Variants in HACD2 observed in about 807,000 individuals in gnomAD.
HACD2 encodes very-long-chain (3R)-3-hydroxyacyl-CoA dehydratase 2.
In HACD2, 15 loss-of-function variants were observed where a neutral mutation model predicts 31.0. The ratio of observed to expected loss-of-function variants is 0.48; its 90% CI spans 0.32 to 0.75. The LOEUF is 0.75. Ranked by LOEUF, HACD2 falls within the 30% of genes least tolerant of loss-of-function variation. HACD2 has a pLI of 0.03. For synonymous variants in HACD2, 115 were observed against 122.2 expected (o/e 0.94, Z 0.39); for missense variants, 283 against 313.0 (o/e 0.90, Z 0.72).
intron 1 of HACD2, among the ~76,000 whole-genome samples, chr3:123,583,198 G>A (rs1395618580): frequency 2.7e-5 from 4 of 148,074 alleles, no homozygotes; most frequent in Non-Finnish European, 6.0e-5. Flanking sequence ...ACCATTAACA[G>A]CCTTAAAAAA....
chr3:123,549,076 T>TA (rs778066382), intron 3 of HACD2, among the ~76,000 whole-genome samples: 2 of 151,720 alleles, frequency 1.3e-5, no homozygotes. Context: ...TTCAAAAGCT[T>TA]ATGAATAGAA....
intron 4 of HACD2, among the ~76,000 whole-genome samples, chr3:123,524,564 TGAG>T (rs1000627294): frequency 2.0e-5 from 3 of 152,166 alleles, no homozygotes; most frequent in African/African-American, 4.8e-5. Context: ...GTGGAACTGT[TGAG>T]GAGGAAAAGC....
intron 2 of HACD2, among the ~76,000 whole-genome samples, chr3:123,570,509 A>G (rs1313044843): frequency 6.6e-6 from 1 of 152,232 alleles, no homozygotes; most frequent in Non-Finnish European, 1.5e-5. Flanking sequence ...ACCTTATACA[A>G]AGTTGGAATA....
At chr3:123,537,064 TC>T (rs2056434860) in intron 3 of HACD2, among the ~76,000 whole-genome samples, 1 of 152,080 alleles carries the variant, frequency 6.6e-6, no homozygotes, top group African/African-American at 2.4e-5. Flanking sequence ...ACTAAACAAT[TC>T]TGGTAATTAT....
chr3:123,561,585 C>G (rs145345121), intron 3 of HACD2, among the ~76,000 whole-genome samples: 1 of 152,248 alleles, frequency 6.6e-6, no homozygotes, highest in African/African-American at 2.4e-5. Context: ...AGTTCCACTA[C>G]CTGCACCTCT....
At chr3:123,559,571 G>A (rs1422037927) in intron 3 of HACD2, among the ~76,000 whole-genome samples, 1 of 152,208 alleles carries the variant, frequency 6.6e-6, no homozygotes, top group Non-Finnish European at 1.5e-5. Context: ...TTTTTCACAT[G>A]TGGAAACTAG....
intron 4 of HACD2, 108 bp from the exon 5 acceptor site, chr3:123,502,789 C>G: frequency 8.6e-7 from 1 of 1,161,516 alleles, no homozygotes; most frequent in Admixed American, 2.3e-5. Context: ...CCGCTGGTCT[C>G]TATCTTCAGG....
chr3:123,578,567 A>G (rs1416591776), intron 2 of HACD2, among the ~76,000 whole-genome samples: 1 of 152,182 alleles, frequency 6.6e-6, no homozygotes, highest in Non-Finnish European at 1.5e-5. Flanking sequence ...CATGGTACTC[A>G]GCCAGGCTTC....
Position 123,494,458 on chromosome 3 carries a change from A to T in HACD2, c.*430T>A, listed in dbSNP as rs552078276. The T allele has an allele frequency of 5.2e-6, 1 of 193,460 alleles. No homozygotes were observed. The highest frequency in any genetic ancestry group is 2.4e-5 in the African/African-American group (1 of 41,824). The allele number at this position is 193,460 out of a possible 1,614,324, so 12.0% of individuals were successfully genotyped here. A position where few individuals can be genotyped will look rare whatever the true frequency, so the allele number is the denominator to read the frequency against. On this transcript the variant is annotated 3_prime_UTR_variant, in exon 7 of 7. Transcript: ENST00000383657. ...CAGCATGCAGTCAAGCACTTTGACA[A>T]GGGAATGCTAAACACACTGCAGACT...
rs547040118 is a variant in HACD2 at position 123,512,414 on chromosome 3, C to G, written c.382-9733G>C. 9.9e-5 allele frequency among the ~76,000 whole-genome samples: 15 copies of G among 152,246 alleles called. No individual in the cohort carries two copies. In the South Asian group the frequency reaches 3.1e-3, roughly 32 times the overall value. On this transcript the variant is annotated intron_variant, in intron 4 of 6. Transcript: ENST00000383657. ...AAATATGTCATTAGATAAGATTCACCTGAGACTCGCCTCTTTCCCTTCCCC... is the reference window on the plus strand; with the variant it reads ...AAATATGTCATTAGATAAGATTCACGTGAGACTCGCCTCTTTCCCTTCCCC...
intron 4 of HACD2, among the ~76,000 whole-genome samples, chr3:123,510,328 ACCT>A (rs1576735807): frequency 6.6e-6 from 1 of 152,030 alleles, no homozygotes; most frequent in East Asian, 1.9e-4. Context: ...GCTCACTGAA[ACCT>A]CCACCTCCCG....
At chr3:123,536,926 C>T (rs2056433536) in intron 3 of HACD2, among the ~76,000 whole-genome samples, 1 of 152,058 alleles carries the variant, frequency 6.6e-6, no homozygotes, top group Non-Finnish European at 1.5e-5. Flanking sequence ...GCTTATGTGA[C>T]CTTGAGAAAC....
rs533964806 is a variant in HACD2, at chr3:123,572,024, T to C, written c.274-4244A>G. Among the ~76,000 whole-genome samples, 9 of 152,312 alleles carry C rather than the reference T, an allele frequency of 5.9e-5. No homozygotes were observed. In the South Asian group the frequency reaches 1.9e-3, roughly 32 times the overall value. On this transcript the variant is annotated intron_variant, in intron 2 of 6. Transcript: ENST00000383657. ...GACTGTCTACATATCGTAGGACATC[T>C]AGCCAGTAGCATCTCCAGTCATTGT...
rs190993173 is a variant in HACD2, at chr3:123,575,842, G to A, written c.273+6370C>T. Among the ~76,000 whole-genome samples, 929 of 152,222 alleles carry A rather than the reference G, an allele frequency of 6.1e-3. 6 individuals carry two copies. The highest frequency in any genetic ancestry group is 6.5e-3 in the Non-Finnish European group (441 of 68,018). ...TGGAAATTGTTTAAGTACTCAGGAA[G>A]GGAAGAAATTTTTTTGTTGTGGAAC... On this transcript the variant is annotated intron_variant, in intron 2 of 6. Coordinates refer to ENST00000383657, the MANE Select transcript of HACD2 (RefSeq NM_198402.5).
intron 4 of HACD2, among the ~76,000 whole-genome samples, chr3:123,518,995 T>TAACA (rs2056180100): frequency 2.4e-5 from 1 of 42,478 alleles, no homozygotes; most frequent in African/African-American, 7.9e-5. Context: ...AGACTCCAAC[T>TAACA]AAAAAAAAAA....
chr3:123,549,805 C>T (rs1322774463), intron 3 of HACD2, among the ~76,000 whole-genome samples: 4 of 152,142 alleles, frequency 2.6e-5, no homozygotes, highest in East Asian at 3.9e-4. Flanking sequence ...TGCAGACTGA[C>T]ATACCTCTAA....
At chr3:123,528,019 G>T (rs1485101258) in intron 4 of HACD2, among the ~76,000 whole-genome samples, 1 of 152,188 alleles carries the variant, frequency 6.6e-6, no homozygotes, top group Non-Finnish European at 1.5e-5. Flanking sequence ...AGAATTTGGG[G>T]AGAGTGAGGC....
chr3:123,563,642 TATACAC>T (rs1298070360), intron 3 of HACD2, among the ~76,000 whole-genome samples: 22 of 105,216 alleles, frequency 2.1e-4, no homozygotes, highest in Middle Eastern at 4.0e-3. Flanking sequence ...AAAAAATATA[TATACAC>T]ACACACACAC....
At chr3:123,524,785 C>A (rs1250898570) in intron 4 of HACD2, among the ~76,000 whole-genome samples, 1 of 152,044 alleles carries the variant, frequency 6.6e-6, no homozygotes, top group Non-Finnish European at 1.5e-5. Context: ...CTGTGCCCGG[C>A]CACCATCATG....
Sources: allele counts gnomAD v4.1 joint callset (sites outside exome capture counted in the v4.1 genomes callset), GRCh38; gene constraint gnomAD v4.1.1; transcripts MANE v1.5; gene names NCBI Gene and HGNC (gene_info 2026-07-23, HGNC 2026-07-21).